The following ADAM32 variants were observed in gnomAD, a reference collection of about 807,000 sequenced individuals.
ADAM32 encodes ADAM metallopeptidase domain 32, also known as disintegrin and metalloproteinase domain-containing protein 32.
ADAM32 carries 89 observed loss-of-function variants against 114.9 expected under a neutral mutation model. The observed-to-expected ratio is 0.77, with a 90% CI of 0.65 to 0.92. The LOEUF (loss-of-function observed/expected upper bound fraction) is 0.92. Among genes scored for constraint, ADAM32 ranks in the 40% least tolerant of loss-of-function variants. The pLI is 0.00. For synonymous variants in ADAM32, 285 were observed against 307.5 expected, an observed-to-expected ratio of 0.93 and a Z score of 0.77; for missense variants, 870 against 932.8, an observed-to-expected ratio of 0.93 and a Z score of 0.88.
At position 39,283,487 on chromosome 8, in the gene ADAM32, AAC is replaced by A; in HGVS notation, c.2319-98_2319-97del. On this transcript the variant is annotated intron_variant, in intron 23 of 24. Coordinates refer to ENST00000379907, the MANE Select transcript of ADAM32 (RefSeq NM_145004.7). ...ATATTTCTTTTTTAGTACAACTTTG[AAC>A]GGAAAGAGGAAGAAATTGCCATAAC... 3 of 921,644 alleles carry A rather than the reference AAC, an allele frequency of 3.3e-6. No homozygotes were observed. In the South Asian group the frequency reaches 6.5e-5, roughly 20 times the overall value. 57.1% of individuals were successfully genotyped at this position (921,644 alleles called of 1,614,324 possible).
At chr8:39,111,718 CTCAAA>C (rs1366545185) in intron 1 of ADAM32, among the ~76,000 whole-genome samples, 366 of 33,558 alleles carry the variant, frequency 0.011, 1 homozygote, top group Non-Finnish European at 0.013. Context: ...AAGACTCTTT[CTCAAA>C]AAAAAAAAAA....
chr8:39,249,614 T>G (rs1564684800), intron 17 of ADAM32, among the ~76,000 whole-genome samples: 1 of 152,192 alleles, frequency 6.6e-6, no homozygotes. Context: ...TAGAATTTAA[T>G]AGTGAACCCA....
At chr8:39,182,052 T>A (rs912006335) in intron 10 of ADAM32, among the ~76,000 whole-genome samples, 2 of 152,348 alleles carry the variant, frequency 1.3e-5, no homozygotes, top group East Asian at 1.9e-4. Context: ...GAGGGACATA[T>A]TATAGTTTAT....
At chr8:39,114,462 G>A (rs1455913688) in intron 1 of ADAM32, among the ~76,000 whole-genome samples, 3 of 152,166 alleles carry the variant, frequency 2.0e-5, no homozygotes, top group South Asian at 2.1e-4. Context: ...CAGTTTCTGC[G>A]CACCACAAGC....
intron 11 of ADAM32, 61 bp downstream of exon 11, chr8:39,187,106 A>G (rs1044304526): frequency 3.4e-6 from 5 of 1,472,040 alleles, no homozygotes; most frequent in East Asian, 4.7e-5. Flanking sequence ...TCAGAGTGTG[A>G]AAATTTAGTA....
chr8:39,119,795 A>G (rs907924067), intron 2 of ADAM32, among the ~76,000 whole-genome samples: 3 of 152,120 alleles, frequency 2.0e-5, no homozygotes, highest in Non-Finnish European at 4.4e-5. Flanking sequence ...GGCCCCTCAA[A>G]ATTCATATGT....
chr8:39,211,276 C>T lies in ADAM32; in HGVS notation c.1185C>T (p.Gly395=). 1 of 1,594,096 alleles carries T rather than the reference C, an allele frequency of 6.3e-7. No homozygotes were observed. The highest frequency in any genetic ancestry group is 8.5e-7 in the Non-Finnish European group (1 of 1,170,278). Reference sequence around the variant, plus strand: ...AAAAATCTCCGAAACCAGTCTGTGGCAATGGCAGATTGGAGGGAAATGAAA... The same window carrying T: ...AAAAATCTCCGAAACCAGTCTGTGGTAATGGCAGATTGGAGGGAAATGAAA... ...MQKKSPKPVC[G]NGRLEGNEIC... Residue 395 remains glycine, a synonymous_variant, in exon 12 of 25, where the codon GGC becomes GGT. Transcript: ENST00000379907.
At chr8:39,277,232 C>T (rs1813130494) in intron 22 of ADAM32, among the ~76,000 whole-genome samples, 1 of 152,198 alleles carries the variant, frequency 6.6e-6, no homozygotes, top group Admixed American at 6.5e-5. Flanking sequence ...GATAGCATCA[C>T]CCATAGGAAA....
intron 1 of ADAM32, among the ~76,000 whole-genome samples, chr8:39,109,134 A>G (rs1466888261): frequency 6.6e-6 from 1 of 152,270 alleles, no homozygotes; most frequent in East Asian, 1.9e-4. Context: ...ACTGCCTTAT[A>G]CATGAACAAT....
intron 6 of ADAM32, among the ~76,000 whole-genome samples, chr8:39,159,260 C>T (rs1444835611): frequency 2.0e-5 from 3 of 152,142 alleles, no homozygotes; most frequent in Non-Finnish European, 4.4e-5. Flanking sequence ...TTAGTAGTCA[C>T]CAAGTGATTT....
chr8:39,227,938 C>T (rs1443283039), intron 14 of ADAM32, among the ~76,000 whole-genome samples: 1 of 152,222 alleles, frequency 6.6e-6, no homozygotes, highest in Non-Finnish European at 1.5e-5. Context: ...ACGCCCTCCG[C>T]TGCCTCCACC....
chr8:39,156,600 C>T (rs1454630320), intron 6 of ADAM32, among the ~76,000 whole-genome samples: 1 of 152,142 alleles, frequency 6.6e-6, no homozygotes, highest in African/African-American at 2.4e-5. Context: ...ACTACAGCTG[C>T]CATAACAATT....
chr8:39,114,617 T>C (rs1840300834), intron 1 of ADAM32, among the ~76,000 whole-genome samples: 1 of 152,206 alleles, frequency 6.6e-6, no homozygotes, highest in African/African-American at 2.4e-5. Context: ...TGCTCACCTG[T>C]CTCTGAGAGT....
rs1335092543 is a variant in ADAM32, at chr8:39,118,159, A to G, written c.132A>G (p.Ile44Met). ...IQTNTNDSSE[I>M]EYEQISYIIP... Reference sequence around the variant, plus strand: ...CAAATACAAATGACAGTTCAGAAATAGAATATGTAAGAGATATTTTTTCAC... The same window carrying G: ...CAAATACAAATGACAGTTCAGAAATGGAATATGTAAGAGATATTTTTTCAC... Residue 44 changes from isoleucine (I) to methionine (M), a missense_variant, in exon 2 of 25, where the codon ATA (isoleucine) becomes ATG (methionine). Transcript: ENST00000379907. 2 of 1,427,938 alleles carry G rather than the reference A, an allele frequency of 1.4e-6. No individual in the cohort carries two copies. The highest frequency in any genetic ancestry group is 1.9e-6 in the Non-Finnish European group (2 of 1,069,984). 88.5% of individuals were successfully genotyped at this position (1,427,938 alleles called of 1,614,324 possible). A position where few individuals can be genotyped will look rare whatever the true frequency, so the allele number is the denominator to read the frequency against.
chr8:39,181,943 A>G (rs1227471254), intron 10 of ADAM32, among the ~76,000 whole-genome samples: 3 of 152,252 alleles, frequency 2.0e-5, no homozygotes, highest in Non-Finnish European at 4.4e-5. Flanking sequence ...AAGGCATACG[A>G]TAAAATTGTG....
At chr8:39,139,763 G>A (rs907592345) in intron 3 of ADAM32, among the ~76,000 whole-genome samples, 2 of 152,146 alleles carry the variant, frequency 1.3e-5, no homozygotes, top group African/African-American at 2.4e-5. Flanking sequence ...ATTACCTTGG[G>A]CAGTATGGCC....
intron 17 of ADAM32, among the ~76,000 whole-genome samples, chr8:39,248,904 CTTTT>C (rs373072424): frequency 7.5e-6 from 1 of 134,134 alleles, no homozygotes; most frequent in Non-Finnish European, 1.6e-5. Context: ...TGAGTGTTGA[CTTTT>C]TTTTTTTTTT....
intron 12 of ADAM32, among the ~76,000 whole-genome samples, chr8:39,214,065 A>C (rs1335727283): frequency 6.6e-6 from 1 of 152,144 alleles, no homozygotes; most frequent in Non-Finnish European, 1.5e-5. Flanking sequence ...TATGTACCAC[A>C]TTTCCTTTAT....
chr8:39,225,773 C>G (rs1263022481), intron 14 of ADAM32, among the ~76,000 whole-genome samples: 1 of 139,030 alleles, frequency 7.2e-6, no homozygotes, highest in Non-Finnish European at 1.6e-5. Context: ...GCCTTTTTCC[C>G]ACCCATGGAG....
Sources: allele counts gnomAD v4.1 joint callset (sites outside exome capture counted in the v4.1 genomes callset), GRCh38; gene constraint gnomAD v4.1.1; transcripts MANE v1.5; gene names NCBI Gene and HGNC (gene_info 2026-07-23, HGNC 2026-07-21).